Variants in ZNF875 observed in about 807,000 individuals in gnomAD.
The protein encoded by ZNF875 is zinc finger protein 875, also known as HKR1, GLI-Kruppel zinc finger family member.
A neutral mutation model predicts 11.2 loss-of-function variants in ZNF875; 14 were observed. The ratio of observed to expected loss-of-function variants is 1.26; its 90% CI spans 0.83 to 1.96. The LOEUF is 1.96. Among genes scored for constraint, ZNF875 ranks in the 30% most tolerant of loss-of-function variants. The pLI, the probability that ZNF875 is intolerant of heterozygous loss-of-function variation, is 0.00. For synonymous variants in ZNF875, 301 were observed against 281.1 expected, an observed-to-expected ratio of 1.07 and a Z score of -0.71; for missense variants, 752 against 760.4, an observed-to-expected ratio of 0.99 and a Z score of 0.13.
intron 4 of ZNF875, among the ~76,000 whole-genome samples, chr19:37,352,991 A>T (rs768874164): frequency 1.7e-4 from 24 of 144,190 alleles, no homozygotes; most frequent in Non-Finnish European, 3.0e-4. Context: ...CTCCTGCCTC[A>T]GCTTCCCGAG....
intron 4 of ZNF875, among the ~76,000 whole-genome samples, chr19:37,327,413 A>AT (rs1426323859): frequency 6.6e-6 from 1 of 152,098 alleles, no homozygotes; most frequent in African/African-American, 2.4e-5. Flanking sequence ...ATCATTGAAC[A>AT]TTTTTGGTAA....
chr19:37,333,715 G>C (rs1421305556), upstream of ZNF875, among the ~76,000 whole-genome samples: 1 of 152,088 alleles, frequency 6.6e-6, no homozygotes, highest in East Asian at 1.9e-4. Flanking sequence ...CTGGCTGCTT[G>C]ATGCCCTAGA....
At chr19:37,342,409 ATTTTTT>A (rs66638698) in intron 2 of ZNF875, among the ~76,000 whole-genome samples, 29,740 of 135,636 alleles carry the variant, frequency 0.22, 3,281 homozygotes, top group Middle Eastern at 0.29. Context: ...ATCCAACTGA[ATTTTTT>A]TTTTTTTTTT....
At position 37,363,465 on chromosome 19, in the gene ZNF875, A is replaced by T; in HGVS notation, c.1613A>T (p.Glu538Val). 6.2e-7 allele frequency: 1 copy of T among 1,613,890 alleles called. No individual in the cohort carries two copies. Among genetic ancestry groups the T allele is most frequent in the Non-Finnish European group, 8.5e-7 (1 of 1,179,898 alleles). Reference sequence around the variant, plus strand: ...GGGGAAAAGCCTTTTATGTGCAGGGAGTGTGGCAGAAGGTTTCGGCAGAAG... The same window carrying T: ...GGGGAAAAGCCTTTTATGTGCAGGGTGTGTGGCAGAAGGTTTCGGCAGAAG... ...HSGEKPFMCR[E>V]CGRRFRQKPN... The change falls in exon 5 of 5, where the codon GAG becomes GTG. Residue 538 changes from glutamate (E) to valine (V), a missense_variant. By Grantham distance (121) the Glu-to-Val change is moderately radical (BLOSUM62 -2). Coordinates refer to ENST00000392153, the MANE Select transcript of ZNF875 (RefSeq NM_001353803.2).
chr19:37,359,420 T>C, intron 4 of ZNF875: 1 of 243,420 alleles, frequency 4.1e-6, no homozygotes. Flanking sequence ...TTTTTTTTTT[T>C]TTTAGATGGA....
At chr19:37,343,723 C>T (rs1281241182) in intron 2 of ZNF875, among the ~76,000 whole-genome samples, 1 of 152,084 alleles carries the variant, frequency 6.6e-6, no homozygotes, top group East Asian at 1.9e-4. Flanking sequence ...TGGTGTCCCA[C>T]TGGATAAAGC....
chr19:37,324,561 C>A (rs1472425946), intron 4 of ZNF875, among the ~76,000 whole-genome samples: 1 of 152,048 alleles, frequency 6.6e-6, no homozygotes, highest in Non-Finnish European at 1.5e-5. Context: ...AGAGAAAAAC[C>A]TGATTTTGGA....
rs1307137459 is a variant in ZNF875 at position 37,363,654 on chromosome 19, C to T, written c.1802C>T (p.Ser601Leu). Residue 601 changes from serine (S) to leucine (L), a missense_variant, in exon 5 of 5, where the codon TCA (serine) becomes TTA (leucine). Coordinates refer to ENST00000392153, the MANE Select transcript of ZNF875 (RefSeq NM_001353803.2). ...TGTGGGCAAGGCTTTAGCCGGCAGT[C>T]ACACCTCATTAGACACCAGAGGACA... ...RECGQGFSRQ[S>L]HLIRHQRTHS... 2.5e-6 allele frequency: 4 copies of T among 1,613,542 alleles called. No individual in the cohort carries two copies. Among genetic ancestry groups the T allele is most frequent in the Non-Finnish European group, 3.4e-6 (4 of 1,179,690 alleles).
chr19:37,323,821 C>T (rs1305180352), intron 3 of ZNF875, among the ~76,000 whole-genome samples: 2 of 152,260 alleles, frequency 1.3e-5, no homozygotes, highest in African/African-American at 2.4e-5. Flanking sequence ...CTGAAGTGCC[C>T]ATGAACAGAG....
upstream of ZNF875, among the ~76,000 whole-genome samples, chr19:37,330,027 G>C (rs2033135290): frequency 6.6e-6 from 1 of 151,938 alleles, no homozygotes; most frequent in Non-Finnish European, 1.5e-5. Context: ...TGTTTGCTGT[G>C]TTTATTGACT....
chr19:37,351,889 G>A (rs1249421214), intron 4 of ZNF875, among the ~76,000 whole-genome samples: 1 of 152,194 alleles, frequency 6.6e-6, no homozygotes, highest in Non-Finnish European at 1.5e-5. Flanking sequence ...GTATTCTGCA[G>A]TTGTTGAGGG....
At chr19:37,359,788 T>C (rs1474231542) in intron 4 of ZNF875, 6 of 161,498 alleles carry the variant, frequency 3.7e-5, no homozygotes, top group Non-Finnish European at 8.2e-5. Context: ...TAGATTGTGT[T>C]CTTATTGAAT....
chr19:37,349,676 A>T (rs1225863266), intron 4 of ZNF875, among the ~76,000 whole-genome samples: 1 of 151,534 alleles, frequency 6.6e-6, no homozygotes, highest in Non-Finnish European at 1.5e-5. Context: ...TTTTATTGAG[A>T]TGGAGTCTTG....
At chr19:37,362,038 C>T in intron 4 of ZNF875, 71 bp from the exon 5 acceptor site, 2 of 866,002 alleles carry the variant, frequency 2.3e-6, no homozygotes, top group South Asian at 3.2e-5. Context: ...TTATGAATGA[C>T]CAGTGGGCAA....
At chr19:37,338,071 A>G (rs930657966) in intron 2 of ZNF875, among the ~76,000 whole-genome samples, 5 of 152,218 alleles carry the variant, frequency 3.3e-5, no homozygotes, top group Non-Finnish European at 5.9e-5. Flanking sequence ...AGGAATACAT[A>G]AGAAATCCAA....
chr19:37,363,577 CATT>C lies in ZNF875; in HGVS notation c.1727_1729del (p.Ile576del), dbSNP rs772409109. On this transcript the variant is annotated inframe_deletion, in exon 5 of 5. Coordinates refer to ENST00000392153, the MANE Select transcript of ZNF875 (RefSeq NM_001353803.2). The stretch of plus-strand genomic sequence containing the variant: ...AAGGCTTTTGTGCTAAGTTAACTCT[CATT>C]AAACACCAGAGAGCACACGCAGGGG... 3.2e-5 allele frequency: 51 copies of C among 1,613,376 alleles called. No individual in the cohort carries two copies. The highest frequency in any genetic ancestry group is 4.1e-5 in the Non-Finnish European group (48 of 1,179,840).
intron 4 of ZNF875, among the ~76,000 whole-genome samples, chr19:37,357,645 G>A (rs2039138410): frequency 6.6e-6 from 1 of 151,950 alleles, no homozygotes; most frequent in South Asian, 2.1e-4. Context: ...AAGCTTGAAT[G>A]TTACTGGTGT....
chr19:37,355,440 G>A lies in ZNF875; in HGVS notation c.257-6669G>A, dbSNP rs141659161. ...CCTGACCTCATGATCTGCTCACCTC[G>A]GTCTCCCAAAGTGCTGGGATTACAG... On this transcript the variant is annotated intron_variant, in intron 4 of 4. Coordinates refer to ENST00000392153, the MANE Select transcript of ZNF875 (RefSeq NM_001353803.2). 8.3e-3 allele frequency among the ~76,000 whole-genome samples: 1,264 copies of A among 152,184 alleles called. 16 individuals are homozygous for A. Among genetic ancestry groups the A allele is most frequent in the Middle Eastern group, 0.044 (13 of 294 alleles).
At chr19:37,354,610 G>C (rs888300562) in intron 4 of ZNF875, among the ~76,000 whole-genome samples, 1 of 152,062 alleles carries the variant, frequency 6.6e-6, no homozygotes, top group African/African-American at 2.4e-5. Flanking sequence ...TATATATGGT[G>C]CAGTGAGTTG....
Sources: allele counts gnomAD v4.1 joint callset (sites outside exome capture counted in the v4.1 genomes callset), GRCh38; gene constraint gnomAD v4.1.1; transcripts MANE v1.5; gene names NCBI Gene and HGNC (gene_info 2026-07-23, HGNC 2026-07-21).